Variants in RASSF2 observed in about 807,000 individuals in gnomAD.
RASSF2 encodes Ras association domain family member 2.
RASSF2 carries 34 observed loss-of-function variants against 46.3 expected under a neutral mutation model. That is an observed-to-expected ratio of 0.73 (90% CI 0.56 to 0.98). The LOEUF is 0.98. Among genes scored for constraint, RASSF2 ranks in the 50% least tolerant of loss-of-function variants. The probability of loss-of-function intolerance (pLI) is 0.00; values close to 1 mark genes in which losing one functional copy is unlikely to be tolerated. For synonymous variants in RASSF2, 158 were observed against 162.5 expected (o/e 0.97, Z 0.21); for missense variants, 364 against 431.2 (o/e 0.84, Z 1.38).
chr20:4,786,247 T>C lies in RASSF2; in HGVS notation c.895A>G (p.Lys299Glu), dbSNP rs149379775. The part of the protein sequence containing the change: ...KLQEEEDREV[K>E]KLMRKYTVLR... ...CACACTTACTTGCGCATCAGCTTCT[T>C]TACTTCCCGATCTTCTTCCTCCTGG... The change falls in exon 11 of 12, where the codon AAG becomes GAG. Residue 299 changes from lysine (K) to glutamate (E), a missense_variant. Lys to Glu is a moderately conservative substitution (Grantham distance 56, BLOSUM62 1). Coordinates refer to ENST00000379400, the MANE Select transcript of RASSF2 (RefSeq NM_014737.3). The C allele has an allele frequency of 6.2e-7, 1 of 1,612,000 alleles. No individual in the cohort carries two copies. The highest frequency in any genetic ancestry group is 8.5e-7 in the Non-Finnish European group (1 of 1,178,090).
rs1926215775 is a variant in RASSF2, at chr20:4,795,011, C to G, written c.287+804G>C. Among the ~76,000 whole-genome samples, 2 of 152,216 alleles carry G rather than the reference C, an allele frequency of 1.3e-5. No individual in the cohort carries two copies. The highest frequency in any genetic ancestry group is 1.3e-4 in the Admixed American group (2 of 15,290). Reference sequence around the variant, plus strand: ...GAAAAAAAGGTCACTGTGGTTTTGGCTGAGAGGCGAGCACACTCCACCCAG... The same window carrying G: ...GAAAAAAAGGTCACTGTGGTTTTGGGTGAGAGGCGAGCACACTCCACCCAG... On this transcript the variant is annotated intron_variant, in intron 5 of 11. Coordinates refer to ENST00000379400, the MANE Select transcript of RASSF2 (RefSeq NM_014737.3). This position sits in a 1 kb window ranked among gnomAD's most constrained non-coding sequence, Gnocchi z 4.0.
At position 4,781,785 on chromosome 20, in the gene RASSF2, AT is replaced by A. The variant is rs1385561343; in HGVS notation, c.*2487del. 1.2e-4 allele frequency: 18 copies of A among 152,306 alleles called. No homozygotes were observed. The highest frequency in any genetic ancestry group is 4.1e-4 in the African/African-American group (17 of 41,554). 9.4% of individuals were successfully genotyped at this position (152,306 alleles called of 1,614,324 possible). On this transcript the variant is annotated 3_prime_UTR_variant, in exon 12 of 12. Transcript: ENST00000379400. ...AAACTGGTCTTTTGTCCTTTACACA[AT>A]TTCAGGTTCATTGCACGCAATTACA...
At chr20:4,787,431 G>A (rs961533725) in intron 10 of RASSF2, among the ~76,000 whole-genome samples, 1 of 152,192 alleles carries the variant, frequency 6.6e-6, no homozygotes, top group African/African-American at 2.4e-5. Context: ...GGGCAAAAAA[G>A]CAAATGTTTG....
intron 4 of RASSF2, among the ~76,000 whole-genome samples, chr20:4,796,708 A>G (rs568154143): frequency 2.9e-4 from 44 of 152,344 alleles, no homozygotes; most frequent in African/African-American, 9.9e-4. Flanking sequence ...ATCCCGAAGA[A>G]TTGGGACTCG....
intron 6 of RASSF2, among the ~76,000 whole-genome samples, chr20:4,791,831 A>G (rs1350621533): frequency 2.0e-5 from 3 of 152,342 alleles, no homozygotes; most frequent in Non-Finnish European, 4.4e-5. Flanking sequence ...ACAGTGAAAG[A>G]ATGCAGAGCT....
chr20:4,805,954 T>C (rs993472189), intron 2 of RASSF2, among the ~76,000 whole-genome samples: 6 of 152,024 alleles, frequency 3.9e-5, no homozygotes, highest in African/African-American at 1.4e-4. Context: ...AAACTTCCAG[T>C]GCAGATAACC....
chr20:4,783,923 A>C lies in RASSF2; in HGVS notation c.*350T>G. ...CCTGCTCACGAGCAGCACATGTGCC[A>C]AGCTCACGGCTCTTGTGCTGGTTGC... On this transcript the variant is annotated 3_prime_UTR_variant, in exon 12 of 12. Coordinates refer to ENST00000379400, the MANE Select transcript of RASSF2 (RefSeq NM_014737.3). The C allele has an allele frequency of 4.5e-6, 1 of 224,600 alleles. No homozygotes were observed. The highest frequency in any genetic ancestry group is 9.0e-6 in the Non-Finnish European group (1 of 110,556). The allele number at this position is 224,600 out of a possible 1,614,324, so 13.9% of individuals were successfully genotyped here. A position where few individuals can be genotyped will look rare whatever the true frequency, so the allele number is the denominator to read the frequency against.
rs141913618 is a variant in RASSF2 at position 4,811,724 on chromosome 20, G to A, written c.-33+10605C>T. Among the ~76,000 whole-genome samples, 142 of 152,310 alleles carry A rather than the reference G, an allele frequency of 9.3e-4. 1 individual carries two copies. The East Asian group carries it at 0.011, about 12-fold the overall frequency. On this transcript the variant is annotated intron_variant, in intron 2 of 11. Transcript: ENST00000379400. ...TGACGCAAAGGGCTCCTTCTTGCAA[G>A]CCAGGGCACCATGTCACAGAAGCCA...
chr20:4,784,119 T>C lies in RASSF2; in HGVS notation c.*154A>G, dbSNP rs149865608. 355 of 723,068 alleles carry C rather than the reference T, an allele frequency of 4.9e-4. 1 individual carries two copies. The African/African-American group carries it at 5.5e-3, about 11-fold the overall frequency. 44.8% of individuals were successfully genotyped at this position (723,068 alleles called of 1,614,324 possible). On this transcript the variant is annotated 3_prime_UTR_variant, in exon 12 of 12. Transcript: ENST00000379400. ...CAGGGATAGGGAGCTGTCTGCTGAC[T>C]TCTACATCCAGCTCCAGGTAGCAAA...
At chr20:4,816,914 G>A (rs1928359339) in intron 2 of RASSF2, among the ~76,000 whole-genome samples, 1 of 152,110 alleles carries the variant, frequency 6.6e-6, no homozygotes, top group Admixed American at 6.6e-5. Flanking sequence ...AAGCAGCCTG[G>A]CCAACATGGT....
intron 2 of RASSF2, among the ~76,000 whole-genome samples, chr20:4,806,094 C>A (rs1927321896): frequency 6.6e-6 from 1 of 152,086 alleles, no homozygotes; most frequent in East Asian, 1.9e-4. Context: ...CCCATTAACC[C>A]AGTTGGTCAG....
chr20:4,786,370 C>A, intron 10 of RASSF2, 42 bp from the exon 11 acceptor site: 3 of 1,441,244 alleles, frequency 2.1e-6, no homozygotes, highest in Non-Finnish European at 2.9e-6. Flanking sequence ...CCCTTCCCAG[C>A]ATTATTCCAA....
Position 4,795,590 on chromosome 20 carries a change from C to T in RASSF2, c.287+225G>A. 1 of 450,380 alleles carries T rather than the reference C, an allele frequency of 2.2e-6. No individual in the cohort carries two copies. The highest frequency in any genetic ancestry group is 3.9e-6 in the Non-Finnish European group (1 of 256,288). 27.9% of individuals were successfully genotyped at this position (450,380 alleles called of 1,614,324 possible). ...CCCCTCGTATGACTCAGCAGCTCCC[C>T]TCCTGTGACCTCATCAGTGATTGCA... is the stretch of plus-strand genomic sequence containing the variant. On this transcript the variant is annotated intron_variant, in intron 5 of 11. Coordinates refer to ENST00000379400, the MANE Select transcript of RASSF2 (RefSeq NM_014737.3). The surrounding 1 kb of genome is among the most constrained non-coding windows in gnomAD (Gnocchi z 4.0).
In RASSF2 at chr20:4,780,297, G is replaced by A. The variant is rs992748444; in HGVS notation, c.*3976C>T. On this transcript the variant is annotated 3_prime_UTR_variant, in exon 12 of 12. Transcript: ENST00000379400. ...ATTACACACCAGAAACATCAGCCTG[G>A]AAACAGGTCTGCGATCTGCAGGGAA... The A allele has an allele frequency of 7.2e-5, 11 of 152,310 alleles. No homozygotes were observed. The highest frequency in any genetic ancestry group is 2.4e-4 in the African/African-American group (10 of 41,554). The allele number at this position is 152,310 out of a possible 1,614,324, so 9.4% of individuals were successfully genotyped here.
chr20:4,801,617 T>C (rs1926876816), intron 2 of RASSF2, among the ~76,000 whole-genome samples: 2 of 152,184 alleles, frequency 1.3e-5, no homozygotes, highest in South Asian at 4.1e-4. Flanking sequence ...TTAAAATCTA[T>C]GTAAGTATAA....
intron 2 of RASSF2, among the ~76,000 whole-genome samples, chr20:4,816,892 T>C (rs186679830): frequency 6.6e-6 from 1 of 152,166 alleles, no homozygotes; most frequent in Non-Finnish European, 1.5e-5. Context: ...TCACCTGAGG[T>C]CAGGAGTTCA....
Position 4,815,394 on chromosome 20 carries a change from C to T in RASSF2, c.-33+6935G>A, listed in dbSNP as rs532102378. The stretch of plus-strand genomic sequence containing the variant: ...GGCACTGATTATCTGAGGCTACCAC[C>T]ACCCATCTCCCCAGAGTACCTGAGG... On this transcript the variant is annotated intron_variant, in intron 2 of 11. Transcript: ENST00000379400. Among the ~76,000 whole-genome samples, 7 of 152,248 alleles carry T rather than the reference C, an allele frequency of 4.6e-5. 1 individual carries two copies. The highest frequency in any genetic ancestry group is 1.4e-4 in the African/African-American group (6 of 41,538).
In RASSF2 at chr20:4,786,249, A is replaced by G; in HGVS notation, c.893T>C (p.Val298Ala). The G allele has an allele frequency of 6.2e-7, 1 of 1,612,338 alleles. No individual in the cohort carries two copies. ...QKLQEEEDRE[V>A]KKLMRKYTVL... ...CACTTACTTGCGCATCAGCTTCTTT[A>G]CTTCCCGATCTTCTTCCTCCTGGAG... Residue 298 changes from valine to alanine, a missense_variant, in exon 11 of 12, where the codon GTA (valine) becomes GCA (alanine). Coordinates refer to ENST00000379400, the MANE Select transcript of RASSF2 (RefSeq NM_014737.3).
Position 4,781,043 on chromosome 20 carries a change from C to A in RASSF2, c.*3230G>T, listed in dbSNP as rs888344403. 1.3e-5 allele frequency: 2 copies of A among 151,592 alleles called. No homozygotes were observed. Among genetic ancestry groups the A allele is most frequent in the South Asian group, 4.2e-4 (2 of 4,810 alleles). 9.4% of individuals were successfully genotyped at this position (151,592 alleles called of 1,614,324 possible). A position where few individuals can be genotyped will look rare whatever the true frequency, so the allele number is the denominator to read the frequency against. Reference sequence around the variant, plus strand: ...ACACCACATTCTCTGTGCTACAGAGCTTTGACATAAAACATGGTTTTTGGT... The same window carrying A: ...ACACCACATTCTCTGTGCTACAGAGATTTGACATAAAACATGGTTTTTGGT... On this transcript the variant is annotated 3_prime_UTR_variant, in exon 12 of 12. Coordinates refer to ENST00000379400, the MANE Select transcript of RASSF2 (RefSeq NM_014737.3).
Sources: gnomAD v4.1 joint callset for allele counts (sites outside exome capture counted in the v4.1 genomes callset) on GRCh38, gnomAD v4.1.1 for gene constraint, Gnocchi (gnomAD v3.1) non-coding constraint, MANE v1.5 for transcripts, NCBI Gene and HGNC (gene_info 2026-07-23, HGNC 2026-07-21) for gene names.